Variants in PTGER3 observed in about 807,000 individuals in gnomAD.
PTGER3 encodes the protein prostaglandin E2 receptor EP3 subtype.
In PTGER3, 22 loss-of-function variants were observed where a neutral mutation model predicts 34.7. That is an observed-to-expected ratio of 0.63 (90% confidence interval 0.45 to 0.91). PTGER3 has a LOEUF of 0.91. Ranked by LOEUF, PTGER3 falls within the 40% of genes least tolerant of loss-of-function variation. The pLI, the probability that PTGER3 is intolerant of heterozygous loss-of-function variation, is 0.00. For missense variants in PTGER3, 468 were observed against 519.4 expected, an observed-to-expected ratio of 0.90 and a Z score of 0.96; for synonymous variants, 241 against 230.1, an observed-to-expected ratio of 1.05 and a Z score of -0.43.
chr1:70,944,323 A>AT (rs1295104387), intron 4 of PTGER3, among the ~76,000 whole-genome samples: 2 of 152,046 alleles, frequency 1.3e-5, no homozygotes, highest in East Asian at 1.9e-4. Context: ...AGTCAAAGCA[A>AT]TTTTTTTACC....
At chr1:70,897,607 G>C (rs1050271829) in intron 4 of PTGER3, among the ~76,000 whole-genome samples, 2 of 152,086 alleles carry the variant, frequency 1.3e-5, no homozygotes, top group African/African-American at 2.4e-5. Flanking sequence ...ATATATCATA[G>C]TATCATAAGA....
intron 2 of PTGER3, among the ~76,000 whole-genome samples, chr1:70,962,060 A>T (rs2100634358): frequency 6.6e-6 from 1 of 152,288 alleles, no homozygotes; most frequent in African/African-American, 2.4e-5. Context: ...CTGCAAGTAG[A>T]TGTTACTCTA....
exon 4 of PTGER3, chr1:70,952,501 C>A: frequency 5.1e-6 from 5 of 987,532 alleles, no homozygotes; most frequent in Non-Finnish European, 6.0e-6. Flanking sequence ...AACCCATAAC[C>A]TTATGTCACT....
intron 4 of PTGER3, chr1:70,869,101 C>T: frequency 3.1e-6 from 1 of 320,734 alleles, no homozygotes; most frequent in South Asian, 2.5e-5. Context: ...CAGTGCCATG[C>T]TTGTACATGC....
chr1:70,999,030 A>G (rs1299813270), intron 2 of PTGER3, among the ~76,000 whole-genome samples: 1 of 152,114 alleles, frequency 6.6e-6, no homozygotes, highest in African/African-American at 2.4e-5. Flanking sequence ...AAAACAAAAA[A>G]TTAGCCGGGC....
chr1:70,934,087 C>A (rs1328136277), intron 4 of PTGER3, among the ~76,000 whole-genome samples: 1 of 152,084 alleles, frequency 6.6e-6, no homozygotes, highest in Non-Finnish European at 1.5e-5. Flanking sequence ...TGTATATATG[C>A]CAGCCTTGTG....
rs916098625 is a variant in PTGER3, at chr1:71,012,063, G to A, written c.1077+242C>T. 5 of 1,447,670 alleles carry A rather than the reference G, an allele frequency of 3.5e-6. No individual in the cohort carries two copies. The East Asian group carries it at 7.1e-5, about 21-fold the overall frequency. 89.7% of individuals were successfully genotyped at this position (1,447,670 alleles called of 1,614,324 possible). On this transcript the variant is annotated intron_variant, in intron 2 of 3. Coordinates refer to ENST00000306666, the MANE Select transcript of PTGER3 (RefSeq NM_198719.2). ...GTGTTTCACTACTTTTGGCACATAG[G>A]GATTTTCTATGCTTCTAAGACCATT... is the stretch of plus-strand genomic sequence containing the variant.
chr1:71,040,027 T>C (rs1660164081), intron 1 of PTGER3, among the ~76,000 whole-genome samples: 1 of 150,038 alleles, frequency 6.7e-6, no homozygotes, highest in East Asian at 2.0e-4. Context: ...GGGTAGGCAT[T>C]TTTGTTTCAG....
intron 4 of PTGER3, among the ~76,000 whole-genome samples, chr1:70,903,762 G>A (rs750235545): frequency 1.3e-5 from 2 of 152,226 alleles, no homozygotes; most frequent in Non-Finnish European, 2.9e-5. Flanking sequence ...TCACAATTAC[G>A]GTATTCTAAA....
downstream of PTGER3, among the ~76,000 whole-genome samples, chr1:70,948,708 C>A (rs557714842): frequency 1.6e-4 from 24 of 152,088 alleles, no homozygotes; most frequent in African/African-American, 4.6e-4. Flanking sequence ...TTTAATTATA[C>A]AGAAACAGAT....
At chr1:70,887,659 T>C (rs35952145) in intron 4 of PTGER3, among the ~76,000 whole-genome samples, 7,573 of 152,234 alleles carry the variant, frequency 0.05, 448 homozygotes, top group East Asian at 0.22. Flanking sequence ...TTTTTCTCTG[T>C]ATATAAATTT....
chr1:70,978,285 G>T (rs1653904195), intron 2 of PTGER3, among the ~76,000 whole-genome samples: 1 of 152,036 alleles, frequency 6.6e-6, no homozygotes, highest in Non-Finnish European at 1.5e-5. Context: ...TACCTGTATT[G>T]CATATTAAGT....
At chr1:70,869,122 A>G (rs527709954) in intron 4 of PTGER3, 1 of 356,242 alleles carries the variant, frequency 2.8e-6, no homozygotes, top group African/African-American at 2.1e-5. Flanking sequence ...TTTACTCATA[A>G]CGGAAGGCAA....
chr1:70,866,998 T>C (rs1263098845), intron 4 of PTGER3, among the ~76,000 whole-genome samples: 1 of 152,252 alleles, frequency 6.6e-6, no homozygotes, highest in Non-Finnish European at 1.5e-5. Context: ...AAGCATGTTA[T>C]ACAAGGTTTT....
At chr1:70,937,854 CATTTTGCTTTTAAGCAT>C (rs1450568331) in intron 4 of PTGER3, among the ~76,000 whole-genome samples, 2 of 151,716 alleles carry the variant, frequency 1.3e-5, no homozygotes, top group Non-Finnish European at 2.9e-5. Context: ...GCAATTGTCT[CATTTTGCTTTTAAGCAT>C]ATTTCACTTT....
At chr1:70,985,228 A>G (rs1025217966) in intron 2 of PTGER3, among the ~76,000 whole-genome samples, 8 of 152,172 alleles carry the variant, frequency 5.3e-5, no homozygotes, top group African/African-American at 1.9e-4. Context: ...AATGGTCACA[A>G]GCTCTTTAGT....
intron 2 of PTGER3, among the ~76,000 whole-genome samples, chr1:70,988,841 A>ACTT (rs1188667331): frequency 6.6e-6 from 1 of 152,144 alleles, no homozygotes; most frequent in African/African-American, 2.4e-5. Flanking sequence ...TCAAGAGAAA[A>ACTT]CTTAAAGTAA....
At chr1:71,020,065 A>T (rs1294843446) in intron 1 of PTGER3, among the ~76,000 whole-genome samples, 2 of 152,168 alleles carry the variant, frequency 1.3e-5, no homozygotes, top group Non-Finnish European at 2.9e-5. Context: ...TGGGCCCTTT[A>T]AACTAGTTAA....
chr1:71,037,041 A>C (rs1659896394), intron 1 of PTGER3, among the ~76,000 whole-genome samples: 1 of 152,090 alleles, frequency 6.6e-6, no homozygotes. Context: ...CACAGGTGTG[A>C]ATTAATGTGC....
Sources: gnomAD v4.1 joint callset for allele counts (sites outside exome capture counted in the v4.1 genomes callset) on GRCh38, gnomAD v4.1.1 for gene constraint, MANE v1.5 for transcripts, NCBI Gene and HGNC (gene_info 2026-07-23, HGNC 2026-07-21) for gene names.